TRIM2: variants seen among roughly 807,000 people sequenced by gnomAD.
TRIM2 encodes tripartite motif containing 2, also known as tripartite motif-containing protein 2.
TRIM2 carries 20 observed loss-of-function variants against 75.2 expected under a neutral mutation model. The observed-to-expected ratio is 0.27, with a 90% CI of 0.19 to 0.39. TRIM2 has a LOEUF of 0.39. Among genes scored for constraint, TRIM2 ranks in the 10% least tolerant of loss-of-function variants. The pLI, the probability that TRIM2 is intolerant of heterozygous loss-of-function variation, is 1.00. For synonymous variants in TRIM2, 373 were observed against 388.3 expected (o/e 0.96, Z 0.46); for missense variants, 660 against 990.8 (o/e 0.67, Z 4.48).
chr4:153,228,811 C>T (rs1178089015), intron 1 of TRIM2, among the ~76,000 whole-genome samples: 1 of 152,258 alleles, frequency 6.6e-6, no homozygotes, highest in Admixed American at 6.5e-5. Flanking sequence ...AGGCTAACTG[C>T]AGTCTTTTTG....
chr4:153,212,690 G>A (rs1380555614), intron 1 of TRIM2, among the ~76,000 whole-genome samples: 1 of 152,130 alleles, frequency 6.6e-6, no homozygotes, highest in Non-Finnish European at 1.5e-5. Flanking sequence ...AAAGAAAAGA[G>A]GTGGATGCAG....
intron 3 of TRIM2, among the ~76,000 whole-genome samples, chr4:153,290,918 T>G (rs1369636873): frequency 6.6e-6 from 1 of 152,168 alleles, no homozygotes; most frequent in African/African-American, 2.4e-5. Context: ...TGTGAGCCAC[T>G]GCACCCAGCT....
intron 1 of TRIM2, among the ~76,000 whole-genome samples, chr4:153,234,362 G>T (rs1350511781): frequency 6.6e-6 from 1 of 152,196 alleles, no homozygotes; most frequent in Non-Finnish European, 1.5e-5. Context: ...GGCTTCATGA[G>T]CGGGTTGTGA....
Position 153,270,328 on chromosome 4 carries a change from C to T in TRIM2, c.31-7C>T. 1 of 1,604,222 alleles carries T rather than the reference C, an allele frequency of 6.2e-7. No individual in the cohort carries two copies. The highest frequency in any genetic ancestry group is 8.5e-7 in the Non-Finnish European group (1 of 1,175,590). ...ATGTTTTTCTGTTTTGATTTTCTGT[C>T]TGACAGCAGCAGCGTGCAGGGTCAA... is the stretch of plus-strand genomic sequence containing the variant. On this transcript the variant is annotated splice_region_variant and splice_polypyrimidine_tract_variant and intron_variant, in intron 1 of 11. Coordinates refer to ENST00000338700, the MANE Select transcript of TRIM2 (RefSeq NM_015271.5).
chr4:153,297,605 T>G (rs1763025807), intron 6 of TRIM2, among the ~76,000 whole-genome samples: 1 of 152,076 alleles, frequency 6.6e-6, no homozygotes. Context: ...TCCCCACTGA[T>G]CTCTTGCATT....
At chr4:153,328,477 T>G in intron 10 of TRIM2, 53 bp from the exon 11 acceptor site, 1 of 1,494,738 alleles carries the variant, frequency 6.7e-7, no homozygotes. Context: ...ATCCATCATG[T>G]TGGTTCAAGT....
intron 1 of TRIM2, among the ~76,000 whole-genome samples, chr4:153,240,803 G>T (rs1746357128): frequency 6.6e-6 from 1 of 152,232 alleles, no homozygotes; most frequent in South Asian, 2.1e-4. Context: ...CCCTGGCCGG[G>T]CGTGGTGGCT....
rs186395578 is a variant in TRIM2, at chr4:153,273,504, A to G, written c.216-2389A>G. Among the ~76,000 whole-genome samples, 1,254 of 128,552 alleles carry G rather than the reference A, an allele frequency of 9.8e-3. 16 individuals carry two copies. Among genetic ancestry groups the G allele is most frequent in the African/African-American group, 0.034 (1,089 of 32,382 alleles). 84.3% of individuals were successfully genotyped at this position (128,552 alleles called of 152,430 possible). Reference sequence around the variant, plus strand: ...GAAACGGGGTTTCACCGTGTTAGCCAGGATGGTCTCGATCTCCTGCCCTCG... The same window carrying G: ...GAAACGGGGTTTCACCGTGTTAGCCGGGATGGTCTCGATCTCCTGCCCTCG... On this transcript the variant is annotated intron_variant, in intron 2 of 11. Transcript: ENST00000338700.
At chr4:153,188,175 G>T (rs1056451178) in intron 1 of TRIM2, among the ~76,000 whole-genome samples, 1 of 152,158 alleles carries the variant, frequency 6.6e-6, no homozygotes, top group Non-Finnish European at 1.5e-5. Flanking sequence ...TTGTAAGAGC[G>T]AGGGCCAGGC....
intron 3 of TRIM2, among the ~76,000 whole-genome samples, chr4:153,292,726 C>T (rs1762067054): frequency 1.3e-5 from 2 of 152,254 alleles, no homozygotes; most frequent in Admixed American, 1.3e-4. Flanking sequence ...CAGCCCTATA[C>T]TGTACTGCCT....
At chr4:153,212,841 C>G (rs1166568505) in intron 1 of TRIM2, among the ~76,000 whole-genome samples, 1 of 152,110 alleles carries the variant, frequency 6.6e-6, no homozygotes, top group Non-Finnish European at 1.5e-5. Flanking sequence ...TGTTCTGGTA[C>G]TGCAGTGAAA....
chr4:153,325,335 G>C (rs907150491), intron 10 of TRIM2, among the ~76,000 whole-genome samples: 14 of 152,138 alleles, frequency 9.2e-5, no homozygotes, highest in African/African-American at 3.4e-4. Flanking sequence ...ACTGCTCCCT[G>C]CCATATTGTC....
chr4:153,315,752 A>G (rs553633674), intron 7 of TRIM2, 80 bp from the exon 8 acceptor site: 2 of 1,527,036 alleles, frequency 1.3e-6, no homozygotes, highest in African/African-American at 1.4e-5. Flanking sequence ...CTCTGTATGT[A>G]TGGCAGATGT....
intron 6 of TRIM2, among the ~76,000 whole-genome samples, chr4:153,298,926 G>T (rs1175692651): frequency 1.3e-5 from 2 of 151,650 alleles, no homozygotes; most frequent in Non-Finnish European, 2.9e-5. Context: ...TTTTTTAGGG[G>T]TTGGGTCTCG....
At chr4:153,283,226 C>A (rs1048256483) in intron 3 of TRIM2, among the ~76,000 whole-genome samples, 1 of 152,182 alleles carries the variant, frequency 6.6e-6, no homozygotes, top group Non-Finnish European at 1.5e-5. Flanking sequence ...CCTACTCCCT[C>A]CTCCCACTAA....
intron 2 of TRIM2, among the ~76,000 whole-genome samples, chr4:153,273,303 T>G (rs1757241437): frequency 7.7e-6 from 1 of 130,038 alleles, no homozygotes; most frequent in Non-Finnish European, 1.6e-5. Flanking sequence ...TGAGACAGAG[T>G]CTCGCTCTGC....
chr4:153,176,983 A>G (rs1184563695), intron 1 of TRIM2, among the ~76,000 whole-genome samples: 1 of 152,240 alleles, frequency 6.6e-6, no homozygotes, highest in Non-Finnish European at 1.5e-5. Flanking sequence ...AGCTTAATCA[A>G]GAGTGAGGTT....
intron 1 of TRIM2, among the ~76,000 whole-genome samples, chr4:153,156,188 G>A (rs573335148): frequency 3.3e-5 from 5 of 152,270 alleles, no homozygotes; most frequent in Admixed American, 6.5e-5. Context: ...TGTGGGTAAC[G>A]GGTGTGAATG....
At chr4:153,223,658 C>A (rs1560839528) in intron 1 of TRIM2, among the ~76,000 whole-genome samples, 1 of 152,144 alleles carries the variant, frequency 6.6e-6, no homozygotes, top group Non-Finnish European at 1.5e-5. Context: ...CGGTTCGTCT[C>A]ACTAAATGCC....
Sources: allele counts gnomAD v4.1 joint callset (sites outside exome capture counted in the v4.1 genomes callset), GRCh38; gene constraint gnomAD v4.1.1; transcripts MANE v1.5; gene names NCBI Gene and HGNC (gene_info 2026-07-23, HGNC 2026-07-21).